Variants in BICD1 observed in about 807,000 individuals in gnomAD.
The protein encoded by BICD1 is protein bicaudal D homolog 1.
A neutral mutation model predicts 92.5 loss-of-function variants in BICD1; 35 were observed. The ratio of observed to expected loss-of-function variants is 0.38; its 90% CI spans 0.29 to 0.50. The LOEUF (loss-of-function observed/expected upper bound fraction) is 0.50. Among genes scored for constraint, BICD1 ranks in the 20% least tolerant of loss-of-function variants. The probability of loss-of-function intolerance (pLI) is 0.93; values close to 1 mark genes in which losing one functional copy is unlikely to be tolerated. For missense variants in BICD1, 950 were observed against 1,189.8 expected (o/e 0.80, Z 2.97); for synonymous variants, 429 against 465.1 (o/e 0.92, Z 1.00).
chr12:32,215,953 CAAAAAAAA>C (rs56005523), intron 1 of BICD1, among the ~76,000 whole-genome samples: 9 of 67,904 alleles, frequency 1.3e-4, no homozygotes, highest in African/African-American at 4.6e-4. Flanking sequence ...GACTCCGTCT[CAAAAAAAA>C]AAAAAAAAAA....
At chr12:32,347,162 G>A (rs1372968699) in intron 8 of BICD1, among the ~76,000 whole-genome samples, 2 of 151,152 alleles carry the variant, frequency 1.3e-5, no homozygotes, top group African/African-American at 4.8e-5. Flanking sequence ...TGTTGGTCAG[G>A]CTGGTCTTGA....
chr12:32,183,970 T>C (rs1211711640), intron 1 of BICD1, among the ~76,000 whole-genome samples: 3 of 152,198 alleles, frequency 2.0e-5, no homozygotes, highest in African/African-American at 7.2e-5. Context: ...CCGTCACCAC[T>C]GGACCACCCT....
chr12:32,319,628 A>AG (rs1287650160), intron 4 of BICD1, among the ~76,000 whole-genome samples: 1 of 151,352 alleles, frequency 6.6e-6, no homozygotes, highest in Non-Finnish European at 1.5e-5. Context: ...CCCAGGCTGG[A>AG]GTGCAGTGAC....
chr12:32,287,593 G>A (rs1947606052), intron 2 of BICD1, among the ~76,000 whole-genome samples: 1 of 150,002 alleles, frequency 6.7e-6, no homozygotes, highest in South Asian at 2.1e-4. Flanking sequence ...CTGGAGTGCA[G>A]TGGCACGATC....
intron 4 of BICD1, among the ~76,000 whole-genome samples, chr12:32,315,343 A>T (rs1241398758): frequency 6.6e-6 from 1 of 152,190 alleles, no homozygotes; most frequent in Non-Finnish European, 1.5e-5. Context: ...TTTTTATGCC[A>T]ATACTATAGT....
chr12:32,332,907 G>A (rs1937939740), intron 5 of BICD1: 1 of 985,294 alleles, frequency 1.0e-6, no homozygotes, highest in Admixed American at 6.2e-5. Context: ...GGAGAAAGTG[G>A]TGAAAGCAGA....
chr12:32,284,960 A>C (rs1334624631), intron 2 of BICD1, among the ~76,000 whole-genome samples: 1 of 152,220 alleles, frequency 6.6e-6, no homozygotes, highest in East Asian at 1.9e-4. Flanking sequence ...GCTGTTTTCC[A>C]GATTTTTCTG....
intron 1 of BICD1, among the ~76,000 whole-genome samples, chr12:32,120,429 C>T (rs143298764): frequency 6.6e-6 from 1 of 152,202 alleles, no homozygotes; most frequent in Non-Finnish European, 1.5e-5. Context: ...TGCAGTTTGG[C>T]GTGGGTCTGT....
At chr12:32,196,815 A>G (rs990253166) in intron 1 of BICD1, among the ~76,000 whole-genome samples, 6 of 152,124 alleles carry the variant, frequency 3.9e-5, no homozygotes, top group African/African-American at 1.4e-4. Context: ...GTGGTGATGG[A>G]TATGTTAGTT....
intron 1 of BICD1, chr12:32,109,638 T>C (rs1941613684): frequency 6.6e-6 from 1 of 151,888 alleles, no homozygotes; most frequent in South Asian, 2.1e-4. Context: ...CAGTTGCATT[T>C]AGCATAAGTG....
intron 4 of BICD1, among the ~76,000 whole-genome samples, chr12:32,318,020 G>A (rs996587326): frequency 3.9e-5 from 6 of 151,914 alleles, no homozygotes; most frequent in African/African-American, 1.4e-4. Flanking sequence ...TCAGATAGTT[G>A]TAGATATGCA....
rs904576775 is a variant in BICD1 at position 32,106,930 on chromosome 12, G to A, written c.-402G>A. On this transcript the variant is annotated 5_prime_UTR_variant, in exon 1 of 10. Transcript: ENST00000652176. ...CGCGAGCCGGAGCGCGCCAGACCCAGGGCGAGACTGCAGTGACGCGGCCCG... is the reference window on the plus strand; with the variant it reads ...CGCGAGCCGGAGCGCGCCAGACCCAAGGCGAGACTGCAGTGACGCGGCCCG... 3.0e-5 allele frequency: 6 copies of A among 196,802 alleles called. No homozygotes were observed. The highest frequency in any genetic ancestry group is 6.2e-5 in the Non-Finnish European group (6 of 97,304). The allele number at this position is 196,802 out of a possible 1,614,324, so 12.2% of individuals were successfully genotyped here.
chr12:32,140,063 C>T (rs2121357555), intron 1 of BICD1, among the ~76,000 whole-genome samples: 1 of 152,242 alleles, frequency 6.6e-6, no homozygotes, highest in South Asian at 2.1e-4. Flanking sequence ...TTAAGTCAGC[C>T]GGCAGGAGTT....
At chr12:32,334,250 T>C (rs1938003033) in intron 5 of BICD1, among the ~76,000 whole-genome samples, 1 of 152,218 alleles carries the variant, frequency 6.6e-6, no homozygotes. Flanking sequence ...TTTATTAAAC[T>C]ACTGTCATTC....
At chr12:32,308,529 T>G (rs1948291708) in intron 4 of BICD1, among the ~76,000 whole-genome samples, 1 of 152,222 alleles carries the variant, frequency 6.6e-6, no homozygotes, top group Non-Finnish European at 1.5e-5. Flanking sequence ...TATCATTATT[T>G]CAACTCCATT....
intron 1 of BICD1, among the ~76,000 whole-genome samples, chr12:32,166,172 G>A (rs1334878886): frequency 7.1e-6 from 1 of 140,068 alleles, no homozygotes; most frequent in African/African-American, 2.6e-5. Flanking sequence ...GTTTCGTTCT[G>A]TCACCCAGGC....
intron 8 of BICD1, chr12:32,353,906 A>T (rs1938994249): frequency 1.3e-5 from 2 of 152,146 alleles, no homozygotes; most frequent in Admixed American, 6.5e-5. Flanking sequence ...TTATTTTTTG[A>T]AAGATTTTTA....
chr12:32,330,815 T>C (rs950954456), intron 5 of BICD1, among the ~76,000 whole-genome samples: 36 of 152,136 alleles, frequency 2.4e-4, no homozygotes, highest in African/African-American at 8.2e-4. Context: ...AGATAACTTC[T>C]CTGACTTCTT....
intron 4 of BICD1, among the ~76,000 whole-genome samples, chr12:32,316,110 T>A (rs1391640916): frequency 7.1e-6 from 1 of 141,392 alleles, no homozygotes. Flanking sequence ...CACTCCAGCC[T>A]GGGCAACAGA....
Sources: allele counts gnomAD v4.1 joint callset (sites outside exome capture counted in the v4.1 genomes callset), GRCh38; gene constraint gnomAD v4.1.1; transcripts MANE v1.5; gene names NCBI Gene and HGNC (gene_info 2026-07-23, HGNC 2026-07-21).